The following FOXN3 variants were observed in gnomAD, a reference collection of about 807,000 sequenced individuals.
The protein encoded by FOXN3 is forkhead box N3, also known as forkhead box protein N3.
A neutral mutation model predicts 38.4 loss-of-function variants in FOXN3; 7 were observed. That is an observed-to-expected ratio of 0.18 (90% CI 0.10 to 0.34). FOXN3 has a LOEUF of 0.34. FOXN3 is among the 10% of genes least tolerant of loss of function. The pLI, the probability that FOXN3 is intolerant of heterozygous loss-of-function variation, is 1.00. For missense variants in FOXN3, 456 were observed against 613.4 expected (o/e 0.74, Z 2.71); for synonymous variants, 230 against 242.2 (o/e 0.95, Z 0.47).
At chr14:89,454,498 A>G (rs547607938) in intron 1 of FOXN3, among the ~76,000 whole-genome samples, 3 of 152,380 alleles carry the variant, frequency 2.0e-5, no homozygotes, top group South Asian at 4.1e-4. Context: ...AGACATATGC[A>G]ATTGTGTAAA....
At chr14:89,337,226 G>T (rs1395041843) in intron 3 of FOXN3, among the ~76,000 whole-genome samples, 1 of 152,192 alleles carries the variant, frequency 6.6e-6, no homozygotes, top group Non-Finnish European at 1.5e-5. Flanking sequence ...GGTAGAGAAG[G>T]ATAGCATTTG....
At chr14:89,379,066 G>T (rs75393992) in intron 2 of FOXN3, among the ~76,000 whole-genome samples, 1,880 of 152,284 alleles carry the variant, frequency 0.012, 51 homozygotes, top group African/African-American at 0.043. Flanking sequence ...CAGAATCTTG[G>T]AATATGAGTT....
chr14:89,467,619 T>G (rs1367577263), intron 1 of FOXN3, among the ~76,000 whole-genome samples: 1 of 149,228 alleles, frequency 6.7e-6, no homozygotes, highest in Non-Finnish European at 1.5e-5. Flanking sequence ...TGTTCCCTCT[T>G]GCTTTTTTTT....
intron 1 of FOXN3, among the ~76,000 whole-genome samples, chr14:89,465,512 G>A (rs757147370): frequency 2.6e-5 from 4 of 152,194 alleles, no homozygotes; most frequent in East Asian, 1.9e-4. Context: ...GTGAGCCACC[G>A]CGCCTAGCTT....
At chr14:89,390,490 T>TTAAA (rs1555423282) in intron 2 of FOXN3, among the ~76,000 whole-genome samples, 3 of 130,176 alleles carry the variant, frequency 2.3e-5, no homozygotes, top group Admixed American at 7.9e-5. Context: ...AGCTGCTTTT[T>TTAAA]AAAAAAAAAA....
intron 1 of FOXN3, among the ~76,000 whole-genome samples, chr14:89,544,714 C>G (rs1024371660): frequency 6.6e-6 from 1 of 152,148 alleles, no homozygotes; most frequent in Admixed American, 6.6e-5. Context: ...TAGTACCAAA[C>G]CTTACACACC....
At chr14:89,439,114 C>A (rs1892327521) in intron 1 of FOXN3, among the ~76,000 whole-genome samples, 1 of 152,134 alleles carries the variant, frequency 6.6e-6, no homozygotes, top group Non-Finnish European at 1.5e-5. Context: ...GGCTTTCAGG[C>A]CACACAAAGC....
At chr14:89,303,507 A>AC (rs1566951335) in intron 3 of FOXN3, among the ~76,000 whole-genome samples, 2 of 118,710 alleles carry the variant, frequency 1.7e-5, no homozygotes, top group Non-Finnish European at 2.0e-5. Flanking sequence ...AAAAAAAAAA[A>AC]ACAAAAAAAA....
chr14:89,409,352 C>CA (rs1891474882), intron 2 of FOXN3: 1 of 145,392 alleles, frequency 6.9e-6, no homozygotes, highest in African/African-American at 2.6e-5. Context: ...CGGTGGGGGA[C>CA]GGGGGGGTCG....
intron 4 of FOXN3, among the ~76,000 whole-genome samples, chr14:89,265,629 A>G (rs1276735901): frequency 6.6e-6 from 1 of 152,228 alleles, no homozygotes; most frequent in African/African-American, 2.4e-5. Flanking sequence ...GGGAAAAGGA[A>G]CTGTCCATTA....
intron 3 of FOXN3, among the ~76,000 whole-genome samples, chr14:89,350,096 T>C (rs1425812633): frequency 1.3e-5 from 2 of 152,160 alleles, no homozygotes; most frequent in African/African-American, 4.8e-5. Flanking sequence ...ATGATATATT[T>C]GTAAAAATGG....
chr14:89,480,797 G>A lies in FOXN3; in HGVS notation c.-14-68307C>T, dbSNP rs1373482882. ...CTATATTGTTTATGAGACAGGATTAGAAATTTCCATCTAATTTTTCTTTCA... is the reference window on the plus strand; with the variant it reads ...CTATATTGTTTATGAGACAGGATTAAAAATTTCCATCTAATTTTTCTTTCA... On this transcript the variant is annotated intron_variant, in intron 1 of 6. Transcript: ENST00000345097. Among the ~76,000 whole-genome samples, 3 of 152,156 alleles carry A rather than the reference G, an allele frequency of 2.0e-5. No homozygotes were observed. In the East Asian group the frequency reaches 5.8e-4, roughly 29 times the overall value.
intron 4 of FOXN3, among the ~76,000 whole-genome samples, chr14:89,277,616 G>A (rs1456805380): frequency 4.6e-5 from 7 of 152,044 alleles, no homozygotes; most frequent in Non-Finnish European, 7.4e-5. Context: ...GGCACCCGAC[G>A]TCCAGGGAGG....
chr14:89,252,807 A>G (rs1308332455), intron 4 of FOXN3, among the ~76,000 whole-genome samples: 1 of 152,242 alleles, frequency 6.6e-6, no homozygotes, highest in Non-Finnish European at 1.5e-5. Context: ...ATGCAAAGAT[A>G]TTATTATCTT....
rs768986407 is a variant in FOXN3 at position 89,180,709 on chromosome 14, C to T, written c.843G>A (p.Ala281=). The T allele has an allele frequency of 8.7e-6, 14 of 1,607,546 alleles. No homozygotes were observed. The highest frequency in any genetic ancestry group is 1.7e-4 in the Middle Eastern group (1 of 5,798). The part of the protein sequence containing the change: ...PLPITPIGVT[A]AMRNGITSCR... ...GCGCACTCCCCACTTACCTCATGGCCGCTGTCACCCCAATGGGAGTGATTG... is the reference window on the plus strand; with the variant it reads ...GCGCACTCCCCACTTACCTCATGGCTGCTGTCACCCCAATGGGAGTGATTG... The change falls in exon 5 of 6, where the codon GCG becomes GCA. Residue 281 remains alanine (A), a synonymous_variant. Coordinates refer to ENST00000557258, the MANE Select transcript of FOXN3 (RefSeq NM_005197.4).
intron 1 of FOXN3, among the ~76,000 whole-genome samples, chr14:89,611,632 C>T (rs1276211022): frequency 6.6e-6 from 1 of 152,042 alleles, no homozygotes; most frequent in East Asian, 1.9e-4. Flanking sequence ...CGGTGAAACC[C>T]CGTCTCTACT....
chr14:89,584,877 T>C (rs1229993753), intron 1 of FOXN3, among the ~76,000 whole-genome samples: 6 of 152,082 alleles, frequency 3.9e-5, no homozygotes, highest in Admixed American at 3.3e-4. Flanking sequence ...CATGTCCGGC[T>C]AATTTCTGTA....
chr14:89,472,088 T>C (rs1893105849), intron 1 of FOXN3, among the ~76,000 whole-genome samples: 1 of 151,980 alleles, frequency 6.6e-6, no homozygotes, highest in Non-Finnish European at 1.5e-5. Flanking sequence ...AAGCCCTGTC[T>C]CTACTAAAAA....
Position 89,455,628 on chromosome 14 carries a change from G to GT in FOXN3, c.-14-43139dup, listed in dbSNP as rs199898180. Among the ~76,000 whole-genome samples, 1,135 of 152,272 alleles carry GT rather than the reference G, an allele frequency of 7.5e-3. 9 individuals are homozygous for GT. Among genetic ancestry groups the GT allele is most frequent in the African/African-American group, 0.026 (1,084 of 41,546 alleles). On this transcript the variant is annotated intron_variant, in intron 1 of 6. Coordinates refer to the FOXN3 transcript ENST00000345097. ...CCACGTAGCAGGCAGTCTCTTTGCAGTATCAGCTTCTTATCTGACAGCAGG... is the reference window on the plus strand; with the variant it reads ...CCACGTAGCAGGCAGTCTCTTTGCAGTTATCAGCTTCTTATCTGACAGCAGG...
Sources: allele counts gnomAD v4.1 joint callset (sites outside exome capture counted in the v4.1 genomes callset), GRCh38; gene constraint gnomAD v4.1.1; transcripts MANE v1.5; gene names NCBI Gene and HGNC (gene_info 2026-07-23, HGNC 2026-07-21).